Variants in TMEM94 observed in about 807,000 individuals in gnomAD.
TMEM94 encodes transmembrane protein 94, also known as ER Mg2+ ATPase.
A neutral mutation model predicts 158.6 loss-of-function variants in TMEM94; 81 were observed. That is an observed-to-expected ratio of 0.51 (90% CI 0.43 to 0.61). The LOEUF (loss-of-function observed/expected upper bound fraction) is 0.61, where lower values mean the gene tolerates loss of function less well. Ranked by LOEUF, TMEM94 falls within the 20% of genes least tolerant of loss-of-function variation. TMEM94 has a pLI of 0.00. For synonymous variants in TMEM94, 751 were observed against 730.7 expected (o/e 1.03, Z -0.45); for missense variants, 1,435 against 1,762.0 (o/e 0.81, Z 3.32).
At chr17:75,497,344 CTTTTTTT>C (rs67776731) in intron 26 of TMEM94, 146 bp downstream of exon 26, 234 of 130,208 alleles carry the variant, frequency 1.8e-3, no homozygotes, top group East Asian at 4.0e-3. Context: ...CCCCCTTTGT[CTTTTTTT>C]TTTTTTTTTT....
Position 75,485,977 on chromosome 17 carries a change from G to T in TMEM94, c.251G>T (p.Cys84Phe), listed in dbSNP as rs1306273379. Residue 84 changes from cysteine (C) to phenylalanine (F), a missense_variant, in exon 4 of 32, where the codon TGC (cysteine) becomes TTC (phenylalanine). Transcript: ENST00000314256. This position sits in a 1 kb window ranked among gnomAD's most constrained non-coding sequence, Gnocchi z 5.5. ...GCCGTGCTGCTGCTGCTGGGCTGCT[G>T]CGGGGGACAGCCAGCCGGGAGGTGT... ...LLAVLLLLGCCGGQPAGSRGV... is the reference protein window; with the variant it reads ...LLAVLLLLGCFGGQPAGSRGV... 5.0e-6 allele frequency: 8 copies of T among 1,611,970 alleles called. No individual in the cohort carries two copies. The highest frequency in any genetic ancestry group is 2.7e-5 in the African/African-American group (2 of 74,948).
rs1250793641 is a variant in TMEM94, at chr17:75,498,901, ACCT to A, written c.3828-7_3828-5del. 2.0e-6 allele frequency: 3 copies of A among 1,536,194 alleles called. No homozygotes were observed. Among genetic ancestry groups the A allele is most frequent in the Non-Finnish European group, 2.6e-6 (3 of 1,142,524 alleles). The stretch of plus-strand genomic sequence containing the variant: ...AGTGTCGGGTTCACACGGGGCCGCC[ACCT>A]CCTGCAGGCTGCTGGGTCAGGTGGT... On this transcript the variant is annotated splice_polypyrimidine_tract_variant and splice_region_variant and intron_variant, in intron 30 of 31. Transcript: ENST00000314256. The surrounding 1 kb of genome is among the most constrained non-coding windows in gnomAD (Gnocchi z 6.7).
chr17:75,475,070 A>G (rs141320933), intron 2 of TMEM94, among the ~76,000 whole-genome samples: 187 of 152,204 alleles, frequency 1.2e-3, no homozygotes, highest in African/African-American at 4.2e-3. Context: ...GTGGACTTGT[A>G]GCTCCCACCC....
Position 75,485,803 on chromosome 17 carries a change from C to T in TMEM94, c.145-68C>T. On this transcript the variant is annotated intron_variant, in intron 3 of 31. Transcript: ENST00000314256. The surrounding 1 kb of genome is among the most constrained non-coding windows in gnomAD (Gnocchi z 5.5). ...GCGGCCATGGGGGCTGGGAAGGGTG[C>T]CGGGGGAGGCAGCCAGATTGGAGTG... 1 of 1,520,734 alleles carries T rather than the reference C, an allele frequency of 6.6e-7. No homozygotes were observed. Among genetic ancestry groups the T allele is most frequent in the Non-Finnish European group, 8.9e-7 (1 of 1,126,536 alleles). 94.2% of individuals were successfully genotyped at this position (1,520,734 alleles called of 1,614,324 possible).
chr17:75,477,342 G>A (rs887798671), intron 2 of TMEM94, among the ~76,000 whole-genome samples: 1 of 152,148 alleles, frequency 6.6e-6, no homozygotes, highest in East Asian at 1.9e-4. Flanking sequence ...CTCTGCTTCC[G>A]TGATTCGGGC....
chr17:75,492,851 CA>C lies in TMEM94; in HGVS notation c.1912+64del. On this transcript the variant is annotated intron_variant, in intron 15 of 31. Coordinates refer to ENST00000314256, the MANE Select transcript of TMEM94 (RefSeq NM_014738.6). This position sits in a 1 kb window ranked among gnomAD's most constrained non-coding sequence, Gnocchi z 4.4. ...CCGCCTCCTAGAAGAGGCCCAGTAC[CA>C]ACTCCTCACGGGACTTAATGGACCT... is the stretch of plus-strand genomic sequence containing the variant. 1 of 1,583,224 alleles carries C rather than the reference CA, an allele frequency of 6.3e-7. No homozygotes were observed. The highest frequency in any genetic ancestry group is 1.3e-5 in the African/African-American group (1 of 74,484).
At chr17:75,468,091 G>A (rs1413171419) in intron 1 of TMEM94, among the ~76,000 whole-genome samples, 2 of 152,142 alleles carry the variant, frequency 1.3e-5, no homozygotes, top group Non-Finnish European at 2.9e-5. Flanking sequence ...AAGGTCATTG[G>A]CGTTTGAGAC....
chr17:75,495,646 G>C lies in TMEM94; in HGVS notation c.2944+3G>C, dbSNP rs1420858431. 6.2e-7 allele frequency: 1 copy of C among 1,613,236 alleles called. No individual in the cohort carries two copies. Among genetic ancestry groups the C allele is most frequent in the South Asian group, 1.1e-5 (1 of 91,074 alleles). ...TTTCACCGACTGCACCCCAGAGAGTGAGTGCTGTGGCCATGGGTACTTGGG... is the reference window on the plus strand; with the variant it reads ...TTTCACCGACTGCACCCCAGAGAGTCAGTGCTGTGGCCATGGGTACTTGGG... On this transcript the variant is annotated splice_donor_region_variant and intron_variant, in intron 22 of 31. Coordinates refer to ENST00000314256, the MANE Select transcript of TMEM94 (RefSeq NM_014738.6). This position sits in a 1 kb window ranked among gnomAD's most constrained non-coding sequence, Gnocchi z 5.6.
At chr17:75,462,277 G>A (rs1253237353) in intron 1 of TMEM94, among the ~76,000 whole-genome samples, 1 of 151,936 alleles carries the variant, frequency 6.6e-6, no homozygotes, top group East Asian at 2.0e-4. Context: ...TCTTTACCTC[G>A]TGATCTGTCA....
At chr17:75,469,247 G>A (rs2050412183) in intron 1 of TMEM94, among the ~76,000 whole-genome samples, 1 of 152,130 alleles carries the variant, frequency 6.6e-6, no homozygotes, top group Non-Finnish European at 1.5e-5. Context: ...TTCTGGGGAT[G>A]CAGTGGACAT....
At chr17:75,478,456 G>C (rs1360133557) in intron 2 of TMEM94, among the ~76,000 whole-genome samples, 6 of 152,136 alleles carry the variant, frequency 3.9e-5, no homozygotes, top group Admixed American at 1.3e-4. Flanking sequence ...GCACAGGAGA[G>C]CTCAGGTGTG....
chr17:75,458,408 G>A (rs1459107720), intron 1 of TMEM94, among the ~76,000 whole-genome samples: 1 of 152,108 alleles, frequency 6.6e-6, no homozygotes, highest in African/African-American at 2.4e-5. Flanking sequence ...TAAAGCAATG[G>A]CACTAGTAAG....
Position 75,492,246 on chromosome 17 carries a change from C to T in TMEM94, c.1597-228C>T, listed in dbSNP as rs1285444665. On this transcript the variant is annotated intron_variant, in intron 14 of 31. Coordinates refer to ENST00000314256, the MANE Select transcript of TMEM94 (RefSeq NM_014738.6). The surrounding 1 kb of genome is among the most constrained non-coding windows in gnomAD (Gnocchi z 4.4). ...GGCCACCCCTCTTTTTAGCTCCTGCCAGTGTCATGAGATATATTAATAGTC... is the reference window on the plus strand; with the variant it reads ...GGCCACCCCTCTTTTTAGCTCCTGCTAGTGTCATGAGATATATTAATAGTC... 11 of 1,421,720 alleles carry T rather than the reference C, an allele frequency of 7.7e-6. No individual in the cohort carries two copies. Among genetic ancestry groups the T allele is most frequent in the Middle Eastern group, 2.6e-4 (1 of 3,866 alleles). The allele number at this position is 1,421,720 out of a possible 1,614,324, so 88.1% of individuals were successfully genotyped here.
At chr17:75,470,629 C>T (rs548549948) in intron 1 of TMEM94, among the ~76,000 whole-genome samples, 22 of 151,724 alleles carry the variant, frequency 1.5e-4, no homozygotes, top group Non-Finnish European at 1.9e-4. Context: ...GGCGTGAACC[C>T]GGGAGGTGGA....
Position 75,498,459 on chromosome 17 carries a change from T to A in TMEM94, c.3654T>A (p.Ala1218=). The A allele has an allele frequency of 6.3e-7, 1 of 1,588,130 alleles. No individual in the cohort carries two copies. Among genetic ancestry groups the A allele is most frequent in the Non-Finnish European group, 8.6e-7 (1 of 1,165,474 alleles). The change falls in exon 29 of 32, where the codon GCT becomes GCA. Residue 1218 remains alanine, a synonymous_variant. Coordinates refer to ENST00000314256, the MANE Select transcript of TMEM94 (RefSeq NM_014738.6). This position sits in a 1 kb window ranked among gnomAD's most constrained non-coding sequence, Gnocchi z 6.7. ...ACTTTGGCAGCAACGACGACAGGGCTCCAGCCTGGTTTGAGGACTTTGCCA... is the reference window on the plus strand; with the variant it reads ...ACTTTGGCAGCAACGACGACAGGGCACCAGCCTGGTTTGAGGACTTTGCCA... ...SVMLPSNDDR[A]PAWFEDFANG...
At chr17:75,477,700 C>T (rs569818931) in intron 2 of TMEM94, among the ~76,000 whole-genome samples, 108 of 152,186 alleles carry the variant, frequency 7.1e-4, no homozygotes, top group African/African-American at 2.4e-3. Flanking sequence ...CCCAGAACGT[C>T]GTGCAGGAGC....
At chr17:75,470,200 C>T (rs538873934) in intron 1 of TMEM94, among the ~76,000 whole-genome samples, 7 of 152,254 alleles carry the variant, frequency 4.6e-5, no homozygotes, top group South Asian at 4.1e-4. Context: ...CAGTGATTCA[C>T]GCCTGTAGCC....
chr17:75,497,947 G>A, intron 27 of TMEM94, 85 bp downstream of exon 27: 1 of 1,313,600 alleles, frequency 7.6e-7, no homozygotes, highest in Non-Finnish European at 1.1e-6. Flanking sequence ...TAATCTGGAA[G>A]GCTCTGGATG....
intron 9 of TMEM94, 141 bp from the exon 10 acceptor site, chr17:75,490,089 AAAAG>A (rs1013274994): frequency 1.4e-5 from 18 of 1,266,404 alleles, no homozygotes; most frequent in African/African-American, 7.6e-5. Context: ...AAAAAAAAAA[AAAAG>A]AACACCTCTT....
Sources: gnomAD v4.1 joint callset for allele counts (sites outside exome capture counted in the v4.1 genomes callset) on GRCh38, gnomAD v4.1.1 for gene constraint, Gnocchi (gnomAD v3.1) non-coding constraint, MANE v1.5 for transcripts, NCBI Gene and HGNC (gene_info 2026-07-23, HGNC 2026-07-21) for gene names.